NFASC: variants seen among roughly 807,000 people sequenced by gnomAD.
NFASC encodes the protein neurofascin homolog.
NFASC carries 43 observed loss-of-function variants against 147.5 expected under a neutral mutation model. The ratio of observed to expected loss-of-function variants is 0.29; its 90% CI spans 0.23 to 0.38. The LOEUF is 0.38. Ranked by LOEUF, NFASC falls within the 10% of genes least tolerant of loss-of-function variation. The pLI, the probability that NFASC is intolerant of heterozygous loss-of-function variation, is 1.00. For missense variants in NFASC, 1,320 were observed against 1,689.0 expected (o/e 0.78, Z 3.83); for synonymous variants, 622 against 665.5 (o/e 0.93, Z 1.01).
chr1:205,006,045 C>T (rs910501593), intron 27 of NFASC, among the ~76,000 whole-genome samples: 59 of 152,284 alleles, frequency 3.9e-4, no homozygotes, highest in African/African-American at 1.3e-3. Flanking sequence ...TCGTTGCAGA[C>T]GCACAAACCA....
At chr1:204,935,597 G>T (rs2092748193) in intron 2 of NFASC, among the ~76,000 whole-genome samples, 1 of 152,214 alleles carries the variant, frequency 6.6e-6, no homozygotes, top group Non-Finnish European at 1.5e-5. Flanking sequence ...TGCAGAGCTT[G>T]TGTGTCAGGA....
At chr1:204,916,032 C>T (rs1215553948) in intron 1 of NFASC, among the ~76,000 whole-genome samples, 1 of 152,200 alleles carries the variant, frequency 6.6e-6, no homozygotes, top group African/African-American at 2.4e-5. Context: ...TGGGGAGTGT[C>T]TTCCACACCT....
At chr1:204,993,825 G>T (rs1208141639) in intron 24 of NFASC, 2 of 514,652 alleles carry the variant, frequency 3.9e-6, no homozygotes, top group Admixed American at 2.0e-5. Flanking sequence ...CAGCTTCGTT[G>T]CTCTTCTATC....
At chr1:204,970,141 T>C (rs1350600748) in intron 10 of NFASC, among the ~76,000 whole-genome samples, 1 of 151,336 alleles carries the variant, frequency 6.6e-6, no homozygotes, top group Non-Finnish European at 1.5e-5. Flanking sequence ...GAAATGTTCA[T>C]TAGGCTTTTC....
chr1:204,885,393 G>A (rs1019713630), intron 1 of NFASC, among the ~76,000 whole-genome samples: 1 of 152,110 alleles, frequency 6.6e-6, no homozygotes, highest in African/African-American at 2.4e-5. Context: ...GCCCTGTGGG[G>A]GGGGAAGCAT....
intron 1 of NFASC, among the ~76,000 whole-genome samples, chr1:204,869,672 C>T (rs113133016): frequency 4.3e-4 from 65 of 152,208 alleles, no homozygotes; most frequent in African/African-American, 1.3e-3. Flanking sequence ...CACAGTTTCC[C>T]GAGGCTCGCC....
chr1:204,895,668 T>G (rs1430395919), intron 1 of NFASC, among the ~76,000 whole-genome samples: 1 of 152,220 alleles, frequency 6.6e-6, no homozygotes, highest in Non-Finnish European at 1.5e-5. Context: ...AACTATTCAT[T>G]TCACTTTTAG....
chr1:205,003,443 C>CA (rs1243905945), intron 27 of NFASC, among the ~76,000 whole-genome samples: 1 of 152,138 alleles, frequency 6.6e-6, no homozygotes, highest in African/African-American at 2.4e-5. Context: ...TGGGGCTCAG[C>CA]AAAGGGTACA....
intron 1 of NFASC, among the ~76,000 whole-genome samples, chr1:204,835,058 C>T (rs1158340499): frequency 6.6e-6 from 1 of 152,112 alleles, no homozygotes; most frequent in African/African-American, 2.4e-5. Context: ...TTATGAGACC[C>T]TGTCTTCTGC....
chr1:204,944,377 T>G lies in NFASC; in HGVS notation c.62T>G (p.Leu21Arg). Residue 21 changes from leucine (L) to arginine (R), a missense_variant, in exon 3 of 30, where the codon CTT (leucine) becomes CGT (arginine). By Grantham distance (102) the Leu-to-Arg change is moderately radical (BLOSUM62 -2). Around this residue, in one of 3 missense-constraint regions of NFASC, gnomAD observed 981 missense variants for 1,289.5 expected, o/e 0.76. Coordinates refer to ENST00000339876, the MANE Select transcript of NFASC (RefSeq NM_001005388.3). ...HAAFLLCLLS[L>R]GGAIEIPMDP... Reference sequence around the variant, plus strand: ...GCCTTCCTCCTCTGCCTCCTCAGTCTTGGCGGAGCCATCGAAATTCCTATG... The same window carrying G: ...GCCTTCCTCCTCTGCCTCCTCAGTCGTGGCGGAGCCATCGAAATTCCTATG... The G allele has an allele frequency of 6.2e-7, 1 of 1,605,932 alleles. No individual in the cohort carries two copies. The highest frequency in any genetic ancestry group is 8.5e-7 in the Non-Finnish European group (1 of 1,175,888).
At chr1:205,009,445 G>A (rs766756614) in intron 27 of NFASC, 112 bp from the exon 28 acceptor site, 28 of 1,184,396 alleles carry the variant, frequency 2.4e-5, no homozygotes, top group Non-Finnish European at 3.5e-5. Context: ...GGTAGTGTTA[G>A]GCTCCAGGAG....
Position 204,986,069 on chromosome 1 carries a change from G to A in NFASC, c.2471-1349G>A. 6.2e-7 allele frequency: 1 copy of A among 1,614,210 alleles called. No homozygotes were observed. The highest frequency in any genetic ancestry group is 8.5e-7 in the Non-Finnish European group (1 of 1,180,028). ...GATGGTTGTGGTCAATGGGAGAGGT[G>A]ATGGGCCTCGCAGTGAGACCAAGGA... On this transcript the variant is annotated intron_variant, in intron 21 of 29. Coordinates refer to ENST00000339876, the MANE Select transcript of NFASC (RefSeq NM_001005388.3). The surrounding 1 kb of genome is among the most constrained non-coding windows in gnomAD (Gnocchi z 4.2).
In NFASC at chr1:205,016,655, T is replaced by C. The variant is rs1417485111; in HGVS notation, c.*116T>C. On this transcript the variant is annotated 3_prime_UTR_variant, in exon 30 of 30. Coordinates refer to ENST00000339876, the MANE Select transcript of NFASC (RefSeq NM_001005388.3). This position sits in a 1 kb window ranked among gnomAD's most constrained non-coding sequence, Gnocchi z 5.1. ...ACCACCTTCAGTAACAAGGGTACGA[T>C]ATGGGGGTCTGCCAAGCTGTGAGGA... The C allele has an allele frequency of 3.9e-6, 3 of 766,648 alleles. No individual in the cohort carries two copies. The highest frequency in any genetic ancestry group is 6.8e-6 in the Non-Finnish European group (3 of 440,138). 47.5% of individuals were successfully genotyped at this position (766,648 alleles called of 1,614,324 possible). A position where few individuals can be genotyped will look rare whatever the true frequency, so the allele number is the denominator to read the frequency against.
intron 1 of NFASC, among the ~76,000 whole-genome samples, chr1:204,846,348 G>A (rs548422023): frequency 6.6e-6 from 1 of 152,272 alleles, no homozygotes; most frequent in Non-Finnish European, 1.5e-5. Context: ...ATCTAATTGT[G>A]TCCTTATACC....
chr1:204,908,352 A>G (rs550812645), intron 1 of NFASC, among the ~76,000 whole-genome samples: 20 of 151,748 alleles, frequency 1.3e-4, no homozygotes, highest in Admixed American at 7.9e-4. Flanking sequence ...TTTTTTTCCT[A>G]ATTTGTTTAT....
chr1:204,886,604 G>A lies in NFASC; in HGVS notation c.-199-34028G>A, dbSNP rs889271492. Among the ~76,000 whole-genome samples, 5 of 152,132 alleles carry A rather than the reference G, an allele frequency of 3.3e-5. No individual in the cohort carries two copies. In the East Asian group the frequency reaches 5.8e-4, roughly 18 times the overall value. ...GCCCAATAATTTGCATTTTTCATAC[G>A]TTCCCAGATTCTGCTGCAGGACCAC... On this transcript the variant is annotated intron_variant, in intron 1 of 29. Coordinates refer to ENST00000339876, the MANE Select transcript of NFASC (RefSeq NM_001005388.3).
At chr1:204,883,774 A>G (rs1357686904) in intron 1 of NFASC, among the ~76,000 whole-genome samples, 6 of 151,710 alleles carry the variant, frequency 4.0e-5, no homozygotes, top group African/African-American at 1.4e-4. Flanking sequence ...GGCAGCTTCC[A>G]TAGTCTGGCC....
chr1:204,904,615 A>G (rs902275697), intron 1 of NFASC, among the ~76,000 whole-genome samples: 1 of 152,198 alleles, frequency 6.6e-6, no homozygotes, highest in African/African-American at 2.4e-5. Context: ...CTTCATTCAC[A>G]TTTCTTATCT....
chr1:204,988,334 CT>C (rs778050050), intron 22 of NFASC, among the ~76,000 whole-genome samples: 6 of 152,160 alleles, frequency 3.9e-5, no homozygotes, highest in South Asian at 4.1e-4. Context: ...GAGTTTTGTC[CT>C]TGTTGAAAGG....
Sources: allele counts gnomAD v4.1 joint callset (sites outside exome capture counted in the v4.1 genomes callset), GRCh38; gene constraint gnomAD v4.1.1; regional missense constraint gnomAD v4.1.1; non-coding constraint Gnocchi (gnomAD v3.1); transcripts MANE v1.5; gene names NCBI Gene and HGNC (gene_info 2026-07-23, HGNC 2026-07-21).